MACF1: variants seen among roughly 807,000 people sequenced by gnomAD.
MACF1 encodes the protein microtubule actin crosslinking factor 1.
MACF1 carries 193 observed loss-of-function variants against 854.8 expected under a neutral mutation model. The ratio of observed to expected loss-of-function variants is 0.23; its 90% CI spans 0.20 to 0.25. The LOEUF is 0.25. Among genes scored for constraint, MACF1 ranks in the 10% least tolerant of loss-of-function variants. The probability of loss-of-function intolerance (pLI) is 1.00; values close to 1 mark genes in which losing one functional copy is unlikely to be tolerated. For missense variants in MACF1, 7,722 were observed against 8,929.1 expected, an observed-to-expected ratio of 0.86 and a Z score of 5.45; for synonymous variants, 3,185 against 3,226.7, an observed-to-expected ratio of 0.99 and a Z score of 0.44.
intron 71 of MACF1, 137 bp from the exon 72 acceptor site, chr1:39,439,137 C>A: frequency 1.9e-6 from 1 of 520,314 alleles, no homozygotes; most frequent in Non-Finnish European, 3.5e-6. Context: ...AGAAAATTAT[C>A]CTTTAGTTAT....
chr1:39,172,270 C>A (rs546512492), intron 2 of MACF1, among the ~76,000 whole-genome samples: 2 of 152,292 alleles, frequency 1.3e-5, no homozygotes, highest in African/African-American at 4.8e-5. Context: ...GCCTAGAATT[C>A]TCTGATAATC....
At chr1:39,295,641 A>G (rs1645884142) in intron 19 of MACF1, 146 bp from the exon 20 acceptor site, 3 of 616,616 alleles carry the variant, frequency 4.9e-6, no homozygotes, top group Middle Eastern at 3.2e-4. Context: ...CGTGGGAAGC[A>G]TTGAGCAGAT....
intron 2 of MACF1, among the ~76,000 whole-genome samples, chr1:39,155,981 G>A (rs1257097747): frequency 6.6e-6 from 1 of 151,948 alleles, no homozygotes. Context: ...TTCGCCTCCC[G>A]GGTTCACACC....
At position 39,283,280 on chromosome 1, in the gene MACF1, A is replaced by T; in HGVS notation, c.787A>T (p.Thr263Ser). ...AFEVAERLGV[T>S]RLLDAEDVDV... Reference sequence around the variant, plus strand: ...TGAAGTGGCAGAAAGACTGGGGGTCACTCGCCTGCTGGATGCAGAAGGTGA... The same window carrying T: ...TGAAGTGGCAGAAAGACTGGGGGTCTCTCGCCTGCTGGATGCAGAAGGTGA... The change falls in exon 8 of 101, where the codon ACT becomes TCT. Residue 263 changes from threonine (T) to serine (S), a missense_variant. Coordinates refer to ENST00000564288, the MANE Select transcript of MACF1 (RefSeq NM_001394062.1). This position sits in a 1 kb window ranked among gnomAD's most constrained non-coding sequence, Gnocchi z 4.5. 1 of 1,613,284 alleles carries T rather than the reference A, an allele frequency of 6.2e-7. No homozygotes were observed. Among genetic ancestry groups the T allele is most frequent in the Non-Finnish European group, 8.5e-7 (1 of 1,179,306 alleles).
chr1:39,233,217 A>G (rs1644805756), intron 2 of MACF1, among the ~76,000 whole-genome samples: 1 of 152,130 alleles, frequency 6.6e-6, no homozygotes. Flanking sequence ...TACTTTTAGT[A>G]GAGATGGGGT....
intron 2 of MACF1, among the ~76,000 whole-genome samples, chr1:39,133,385 T>C (rs2148174421): frequency 6.6e-6 from 1 of 152,352 alleles, no homozygotes; most frequent in South Asian, 2.1e-4. Context: ...GCAGTCATTG[T>C]GATCCCTTTT....
chr1:39,305,213 A>G (rs1055119767), intron 23 of MACF1, among the ~76,000 whole-genome samples: 3 of 150,718 alleles, frequency 2.0e-5, no homozygotes, highest in Admixed American at 2.0e-4. Context: ...GTGAGCTGAG[A>G]TAGTGCCACT....
At position 39,205,001 on chromosome 1, in the gene MACF1, A is replaced by G. The variant is rs1427939979; in HGVS notation, c.-22A>G. The G allele has an allele frequency of 2.8e-6, 2 of 702,902 alleles. No individual in the cohort carries two copies. The highest frequency in any genetic ancestry group is 2.3e-4 in the Middle Eastern group (1 of 4,370). The allele number at this position is 702,902 out of a possible 1,614,324, so 43.5% of individuals were successfully genotyped here. A position where few individuals can be genotyped will look rare whatever the true frequency, so the allele number is the denominator to read the frequency against. On this transcript the variant is annotated 5_prime_UTR_variant, in exon 1 of 101. Transcript: ENST00000564288. ...GCTGAGCTTGTGGCTAACTCAAGGG[A>G]GGAGAAAGGACGGGCCTGGAAATGC... is the stretch of plus-strand genomic sequence containing the variant.
chr1:39,186,336 G>C (rs151303281), intron 2 of MACF1, among the ~76,000 whole-genome samples: 1 of 148,472 alleles, frequency 6.7e-6, no homozygotes, highest in African/African-American at 2.5e-5. Flanking sequence ...TGGCATGCTC[G>C]GCTCACTGCA....
chr1:39,303,506 C>T (rs143379392), intron 23 of MACF1, among the ~76,000 whole-genome samples: 3 of 151,362 alleles, frequency 2.0e-5, no homozygotes, highest in Non-Finnish European at 4.4e-5. Flanking sequence ...GCTGAGATTG[C>T]GCCACTGCAC....
chr1:39,163,442 C>A (rs1643846209), intron 2 of MACF1, among the ~76,000 whole-genome samples: 1 of 150,162 alleles, frequency 6.7e-6, no homozygotes, highest in South Asian at 2.1e-4. Context: ...TTACCCAAGA[C>A]AAAATTAAAC....
chr1:39,143,305 C>CT (rs1371921180), intron 2 of MACF1, among the ~76,000 whole-genome samples: 4 of 152,326 alleles, frequency 2.6e-5, no homozygotes, highest in African/African-American at 7.2e-5. Flanking sequence ...TACAAGCTAG[C>CT]TTTTGATATA....
At chr1:39,413,153 C>A in intron 58 of MACF1, 1 of 1,613,026 alleles carries the variant, frequency 6.2e-7, no homozygotes, top group South Asian at 1.1e-5. Context: ...ATTACAGTAC[C>A]CATCACAGAG....
chr1:39,289,943 A>G (rs974702741), intron 15 of MACF1, among the ~76,000 whole-genome samples: 4 of 151,444 alleles, frequency 2.6e-5, no homozygotes, highest in African/African-American at 7.3e-5. Flanking sequence ...CAGGTGATCC[A>G]CCCGTCTCGG....
intron 21 of MACF1, among the ~76,000 whole-genome samples, chr1:39,298,961 G>A (rs1358352812): frequency 6.6e-6 from 1 of 152,014 alleles, no homozygotes; most frequent in South Asian, 2.1e-4. Flanking sequence ...CGGCGTCATC[G>A]GGGCATGGAG....
At chr1:39,381,568 T>TTTG (rs1460415517) in intron 55 of MACF1, among the ~76,000 whole-genome samples, 1 of 152,168 alleles carries the variant, frequency 6.6e-6, no homozygotes, top group African/African-American at 2.4e-5. Context: ...AGGGTCTTGC[T>TTTG]TTGTTGTCCA....
At chr1:39,360,010 AAAATATATATATATATATATAT>A (rs1308228808) in intron 47 of MACF1, among the ~76,000 whole-genome samples, 1 of 38,302 alleles carries the variant, frequency 2.6e-5, no homozygotes, top group Non-Finnish European at 4.6e-5. Context: ...AAAAAAAAAA[AAAATATATATATATATATATAT>A]ATATATATAT....
rs953740956 is a variant in MACF1 at position 39,387,766 on chromosome 1, C to T, written c.14924C>T (p.Ala4975Val). The T allele has an allele frequency of 1.9e-6, 3 of 1,614,104 alleles. No individual in the cohort carries two copies. The African/African-American group carries it at 4.0e-5, about 22-fold the overall frequency. ...AADILINSSEADEDGIRDEKA... is the reference protein window; with the variant it reads ...AADILINSSEVDEDGIRDEKA... ...GACATTCTGATCAATTCTTCAGAAG[C>T]AGATGAGGATGGAATCCGGGATGAG... Residue 4975 changes from alanine (A) to valine (V), a missense_variant, in exon 58 of 101, where the codon GCA becomes GTA. Ala to Val is a moderately conservative substitution (Grantham distance 64). Transcript: ENST00000564288.
chr1:39,246,746 G>A lies in MACF1; in HGVS notation c.172-3268G>A, dbSNP rs1473082861. Reference sequence around the variant, plus strand: ...ACTGGTCTCGAACTCCTGACCTCAGGTGATCCACCCACCTCAGGCTCCCAA... The same window carrying A: ...ACTGGTCTCGAACTCCTGACCTCAGATGATCCACCCACCTCAGGCTCCCAA... On this transcript the variant is annotated intron_variant, in intron 2 of 100. Coordinates refer to ENST00000564288, the MANE Select transcript of MACF1 (RefSeq NM_001394062.1). Among the ~76,000 whole-genome samples, 6 of 152,054 alleles carry A rather than the reference G, an allele frequency of 3.9e-5. No individual in the cohort carries two copies. The East Asian group carries it at 7.7e-4, about 20-fold the overall frequency.
Sources: allele counts gnomAD v4.1 joint callset (sites outside exome capture counted in the v4.1 genomes callset), GRCh38; gene constraint gnomAD v4.1.1; non-coding constraint Gnocchi (gnomAD v3.1); transcripts MANE v1.5; gene names NCBI Gene and HGNC (gene_info 2026-07-23, HGNC 2026-07-21).